The following SESN2 variants were observed in gnomAD, a reference collection of about 807,000 sequenced individuals.
SESN2 encodes sestrin-2.
SESN2 carries 42 observed loss-of-function variants against 56.0 expected under a neutral mutation model. The observed-to-expected ratio is 0.75, with a 90% CI of 0.59 to 0.97. SESN2 has a LOEUF of 0.97. SESN2 is among the 50% of genes least tolerant of loss of function. The pLI is 0.00. For synonymous variants in SESN2, 264 were observed against 267.1 expected, an observed-to-expected ratio of 0.99 and a Z score of 0.11; for missense variants, 507 against 649.4, an observed-to-expected ratio of 0.78 and a Z score of 2.38.
Position 28,259,748 on chromosome 1 carries a change from C to T in SESN2, c.-100C>T. 1 of 911,392 alleles carries T rather than the reference C, an allele frequency of 1.1e-6. No individual in the cohort carries two copies. Among genetic ancestry groups the T allele is most frequent in the South Asian group, 2.2e-5 (1 of 46,022 alleles). 56.5% of individuals were successfully genotyped at this position (911,392 alleles called of 1,614,324 possible). ...GAGACGCCCCGGGGTTCTAGAAGCTCCCCGGCGGCGCCCAGTCCCGGCTTC... is the reference window on the plus strand; with the variant it reads ...GAGACGCCCCGGGGTTCTAGAAGCTTCCCGGCGGCGCCCAGTCCCGGCTTC... On this transcript the variant is annotated 5_prime_UTR_variant, in exon 1 of 10. Transcript: ENST00000253063.
At chr1:28,260,624 C>T (rs528465707) in intron 1 of SESN2, among the ~76,000 whole-genome samples, 101 of 152,284 alleles carry the variant, frequency 6.6e-4, no homozygotes, top group Non-Finnish European at 1.4e-3. Context: ...TAGGCTGCGC[C>T]CTGCTAAGTA....
chr1:28,267,171 G>A (rs930403596), intron 1 of SESN2, among the ~76,000 whole-genome samples: 1 of 152,136 alleles, frequency 6.6e-6, no homozygotes, highest in African/African-American at 2.4e-5. Context: ...TCTTTGGTGA[G>A]GGGGAGGGAA....
intron 8 of SESN2, 61 bp from the exon 9 acceptor site, chr1:28,279,036 G>A (rs535520802): frequency 3.0e-5 from 47 of 1,566,712 alleles, no homozygotes; most frequent in Non-Finnish European, 3.5e-5. Flanking sequence ...GTGGGGTTGC[G>A]GGGAGGGAGC....
chr1:28,263,056 A>G (rs1647436716), intron 1 of SESN2, among the ~76,000 whole-genome samples: 1 of 152,058 alleles, frequency 6.6e-6, no homozygotes, highest in Admixed American at 6.6e-5. Flanking sequence ...TTTGGTCCCA[A>G]TTATGTGAAA....
intron 2 of SESN2, among the ~76,000 whole-genome samples, chr1:28,271,434 C>T (rs752317452): frequency 6.6e-6 from 1 of 152,190 alleles, no homozygotes; most frequent in Non-Finnish European, 1.5e-5. Flanking sequence ...AATATGCATT[C>T]TTGAACAGTG....
At chr1:28,278,972 CTTG>C in intron 8 of SESN2, 122 bp from the exon 9 acceptor site, 1 of 915,424 alleles carries the variant, frequency 1.1e-6, no homozygotes, top group Non-Finnish European at 1.7e-6. Flanking sequence ...AACTAGGCTT[CTTG>C]TTGCTTCTAC....
At chr1:28,262,593 G>C (rs1306424278) in intron 1 of SESN2, among the ~76,000 whole-genome samples, 1 of 138,268 alleles carries the variant, frequency 7.2e-6, no homozygotes, top group South Asian at 2.3e-4. Flanking sequence ...CTGCACTCCA[G>C]CCTGGGTGAC....
At chr1:28,277,781 A>G (rs1446872873) in intron 8 of SESN2, among the ~76,000 whole-genome samples, 1 of 152,174 alleles carries the variant, frequency 6.6e-6, no homozygotes, top group African/African-American at 2.4e-5. Flanking sequence ...TGTAAATCAT[A>G]TTTCACTGAA....
At chr1:28,274,278 T>C in intron 7 of SESN2, 120 bp downstream of exon 7, 1 of 709,384 alleles carries the variant, frequency 1.4e-6, no homozygotes, top group East Asian at 2.6e-5. Context: ...ACACCTGTAA[T>C]CCCAGCACTT....
In SESN2 at chr1:28,279,259, A is replaced by G; in HGVS notation, c.1356+18A>G. ...CAGAGAAGGTATGACCTATACAGGC[A>G]GGGCAGGATGGAAGTAGACAGGCCA... On this transcript the variant is annotated intron_variant, in intron 9 of 9. Coordinates refer to ENST00000253063, the MANE Select transcript of SESN2 (RefSeq NM_031459.5). 6.2e-7 allele frequency: 1 copy of G among 1,613,580 alleles called. No homozygotes were observed. Among genetic ancestry groups the G allele is most frequent in the Non-Finnish European group, 8.5e-7 (1 of 1,179,946 alleles).
chr1:28,274,398 G>A (rs539542540), intron 7 of SESN2, among the ~76,000 whole-genome samples: 1 of 152,328 alleles, frequency 6.6e-6, no homozygotes, highest in South Asian at 2.1e-4. Flanking sequence ...ACTGGAAGGT[G>A]GCGCATGCCT....
At chr1:28,276,210 G>T (rs7536378) in intron 8 of SESN2, among the ~76,000 whole-genome samples, 3,916 of 152,096 alleles carry the variant, frequency 0.026, 161 homozygotes, top group African/African-American at 0.088. Context: ...TGGGTGCAGT[G>T]GCTCACACCT....
intron 9 of SESN2, 130 bp downstream of exon 9, chr1:28,279,371 C>A: frequency 1.2e-6 from 1 of 865,678 alleles, no homozygotes; most frequent in Non-Finnish European, 1.8e-6. Flanking sequence ...GGGCCTATTC[C>A]TCTGGATTGA....
At chr1:28,268,949 A>G (rs926457874) in intron 1 of SESN2, among the ~76,000 whole-genome samples, 12 of 152,106 alleles carry the variant, frequency 7.9e-5, no homozygotes, top group Middle Eastern at 3.2e-3. Flanking sequence ...CAATGCTGGG[A>G]TTCTTGGGTC....
intron 8 of SESN2, 122 bp downstream of exon 8, chr1:28,275,137 C>T (rs1435319345): frequency 2.1e-5 from 14 of 677,826 alleles, no homozygotes; most frequent in Non-Finnish European, 2.8e-5. Context: ...TACTGTTTTT[C>T]AAAGCAAATT....
At chr1:28,262,573 G>A (rs1270300890) in intron 1 of SESN2, among the ~76,000 whole-genome samples, 5 of 133,764 alleles carry the variant, frequency 3.7e-5, no homozygotes, top group Non-Finnish European at 7.7e-5. Flanking sequence ...AGTGAACTGT[G>A]ATCATGCCAC....
chr1:28,261,127 A>C (rs1294731223), intron 1 of SESN2, among the ~76,000 whole-genome samples: 1 of 152,120 alleles, frequency 6.6e-6, no homozygotes, highest in Non-Finnish European at 1.5e-5. Context: ...GATTTGGTGG[A>C]GTGCTATGAC....
rs549188361 is a variant in SESN2, at chr1:28,269,649, A to C, written c.156+401A>C. 9.2e-5 allele frequency among the ~76,000 whole-genome samples: 14 copies of C among 152,278 alleles called. No individual in the cohort carries two copies. In the East Asian group the frequency reaches 2.5e-3, roughly 27 times the overall value. ...TTTTAAAAATTTCCATTGTTTCAGA[A>C]AGCTCTGATCTCCTGTATCCTCCTG... On this transcript the variant is annotated intron_variant, in intron 2 of 9. Transcript: ENST00000253063.
In SESN2 at chr1:28,272,735, C is replaced by T. The variant is rs1426177188; in HGVS notation, c.692C>T (p.Pro231Leu). ...GATGGCAGCCCTGCCCCCCAGGCAC[C>T]TACACCCCCTAGTGAACAGAGCAGC... ...DADGSPAPQA[P>L]TPPSEQSSPP... Residue 231 changes from proline (P) to leucine (L), a missense_variant, in exon 5 of 10, where the codon CCT (proline) becomes CTT (leucine). Coordinates refer to ENST00000253063, the MANE Select transcript of SESN2 (RefSeq NM_031459.5). 1 of 1,612,466 alleles carries T rather than the reference C, an allele frequency of 6.2e-7. No individual in the cohort carries two copies. Among genetic ancestry groups the T allele is most frequent in the Non-Finnish European group, 8.5e-7 (1 of 1,178,672 alleles).
Sources: allele counts gnomAD v4.1 joint callset (sites outside exome capture counted in the v4.1 genomes callset), GRCh38; gene constraint gnomAD v4.1.1; transcripts MANE v1.5; gene names NCBI Gene and HGNC (gene_info 2026-07-23, HGNC 2026-07-21).